The following DUSP29 variants were observed in gnomAD, a reference collection of about 807,000 sequenced individuals.
DUSP29 encodes the protein atypical dual-specific protein phosphatase.
Under a neutral mutation model 13.5 loss-of-function variants are expected in DUSP29, and 12 were observed. That is an observed-to-expected ratio of 0.89 (90% confidence interval 0.57 to 1.44). DUSP29 has a LOEUF of 1.44. Ranked by LOEUF, DUSP29 falls within the 40% of genes most tolerant of loss-of-function variation. The pLI, the probability that DUSP29 is intolerant of heterozygous loss-of-function variation, is 0.00. For missense variants in DUSP29, 308 were observed against 301.1 expected, an observed-to-expected ratio of 1.02 and a Z score of -0.17; for synonymous variants, 134 against 128.7, an observed-to-expected ratio of 1.04 and a Z score of -0.28.
intron 1 of DUSP29, among the ~76,000 whole-genome samples, chr10:75,064,636 A>G (rs1040594038): frequency 2.6e-5 from 4 of 152,174 alleles, no homozygotes; most frequent in African/African-American, 9.7e-5. Context: ...TGGGATTACA[A>G]GCATGAGCCA....
At chr10:75,056,105 C>T (rs1319122674) in intron 2 of DUSP29, among the ~76,000 whole-genome samples, 1 of 152,106 alleles carries the variant, frequency 6.6e-6, no homozygotes, top group East Asian at 1.9e-4. Context: ...TAGACAAGAT[C>T]TCACTATTTT....
chr10:75,059,193 C>G (rs557879708), intron 1 of DUSP29, among the ~76,000 whole-genome samples: 176 of 152,284 alleles, frequency 1.2e-3, no homozygotes, highest in Non-Finnish European at 2.1e-3. Flanking sequence ...GTTAACTTAC[C>G]AAGGGGATTG....
intron 2 of DUSP29, among the ~76,000 whole-genome samples, chr10:75,052,791 C>T (rs1226114114): frequency 6.6e-5 from 10 of 152,200 alleles, no homozygotes. Flanking sequence ...AATAACCTGC[C>T]CAAAGCCAAT....
At chr10:75,068,876 T>A (rs1019958244) in intron 1 of DUSP29, among the ~76,000 whole-genome samples, 5 of 152,166 alleles carry the variant, frequency 3.3e-5, no homozygotes, top group Admixed American at 1.3e-4. Context: ...GGATTTTTTT[T>A]AAAAAGAAAA....
At position 75,037,831 on chromosome 10, in the gene DUSP29, C is replaced by G; in HGVS notation, c.*5G>C. On this transcript the variant is annotated 3_prime_UTR_variant, in exon 4 of 4. Transcript: ENST00000338487. The stretch of plus-strand genomic sequence containing the variant: ...AAGTGCCTCTGCTGGCCCTGTGAGT[C>G]GGGCCTACAGCTCCCTGCCATCCTC... 6.3e-7 allele frequency: 1 copy of G among 1,596,762 alleles called. No individual in the cohort carries two copies. The highest frequency in any genetic ancestry group is 8.5e-7 in the Non-Finnish European group (1 of 1,171,462).
At chr10:75,071,563 G>T (rs1048531712) in intron 1 of DUSP29, among the ~76,000 whole-genome samples, 68 of 152,330 alleles carry the variant, frequency 4.5e-4, no homozygotes, top group African/African-American at 1.6e-3. Context: ...AATGTCCCCA[G>T]TAAGGGCTCC....
rs1398717062 is a variant in DUSP29 at position 75,052,346 on chromosome 10, C to T, written c.200+5969G>A. ...TTCTTGAGACGGAGTTTCGCTTTGT[C>T]ACCAGGCTGGAGTGCAGTGGCGCGA... On this transcript the variant is annotated intron_variant, in intron 2 of 3. Transcript: ENST00000338487. 3.7e-5 allele frequency among the ~76,000 whole-genome samples: 5 copies of T among 133,602 alleles called. No homozygotes were observed. In the Admixed American group the frequency reaches 4.1e-4, roughly 11 times the overall value. The allele number at this position is 133,602 out of a possible 152,430, so 87.6% of individuals were successfully genotyped here. A position where few individuals can be genotyped will look rare whatever the true frequency, so the allele number is the denominator to read the frequency against.
rs141914861 is a variant in DUSP29 at position 75,045,078 on chromosome 10, C to T, written c.201-1061G>A. 3.2e-3 allele frequency among the ~76,000 whole-genome samples: 487 copies of T among 152,308 alleles called. 9 individuals are homozygous for T. The highest frequency in any genetic ancestry group is 0.011 in the African/African-American group (467 of 41,550). The stretch of plus-strand genomic sequence containing the variant: ...TGATGGTAAAGAAATGAACAGGGGC[C>T]GAGCACAATGGCTCACGCCTATAAT... On this transcript the variant is annotated intron_variant, in intron 2 of 3. Coordinates refer to ENST00000338487, the MANE Select transcript of DUSP29 (RefSeq NM_001003892.3).
chr10:75,073,113 G>A (rs79495077), intron 1 of DUSP29, among the ~76,000 whole-genome samples: 10,709 of 151,998 alleles, frequency 0.07, 537 homozygotes, highest in South Asian at 0.28. Context: ...TGGGACACAG[G>A]GAGAATTCTC....
intron 2 of DUSP29, among the ~76,000 whole-genome samples, chr10:75,051,846 A>G (rs572851472): frequency 1.3e-5 from 2 of 152,398 alleles, no homozygotes; most frequent in Admixed American, 1.3e-4. Context: ...AGCCCAGCTT[A>G]TAACCTTTGC....
At chr10:75,063,373 T>C (rs1847130409) in intron 1 of DUSP29, among the ~76,000 whole-genome samples, 1 of 146,126 alleles carries the variant, frequency 6.8e-6, no homozygotes, top group Non-Finnish European at 1.5e-5. Flanking sequence ...AAGTGGACAG[T>C]TCTTTATATA....
chr10:75,051,016 G>T (rs11001261), intron 2 of DUSP29, among the ~76,000 whole-genome samples: 1,562 of 152,312 alleles, frequency 0.01, 23 homozygotes, highest in African/African-American at 0.036. Context: ...AACCTGGGAT[G>T]GAGAAAATGC....
chr10:75,043,237 G>A (rs1487035739), intron 3 of DUSP29, among the ~76,000 whole-genome samples: 1 of 152,214 alleles, frequency 6.6e-6, no homozygotes, highest in Non-Finnish European at 1.5e-5. Flanking sequence ...TGGTTGGTGG[G>A]CAGGAGAATT....
At chr10:75,061,737 G>T (rs1847092610) in intron 1 of DUSP29, among the ~76,000 whole-genome samples, 1 of 152,190 alleles carries the variant, frequency 6.6e-6, no homozygotes. Flanking sequence ...GAGGAGAGAG[G>T]ACCTTGCTTC....
rs537417375 is a variant in DUSP29 at position 75,043,990 on chromosome 10, C to T, written c.228G>A (p.Leu76=). Residue 76 remains leucine (L), a synonymous_variant, in exon 3 of 4, where the codon CTG becomes CTA. Transcript: ENST00000338487. ...GCACGTGCGTGAACCCCGCCTTCTG[C>T]AGCCTATAGCGGTCCAGCGCCGTCG... is the stretch of plus-strand genomic sequence containing the variant. ...DEATALDRYR[L]QKAGFTHVLN... 1.7e-5 allele frequency: 28 copies of T among 1,612,282 alleles called. No individual in the cohort carries two copies. The East Asian group carries it at 5.1e-4, about 30-fold the overall frequency.
At chr10:75,038,965 G>A (rs1846529572) in intron 3 of DUSP29, among the ~76,000 whole-genome samples, 2 of 152,192 alleles carry the variant, frequency 1.3e-5, no homozygotes, top group Non-Finnish European at 2.9e-5. Context: ...CAGGCCTATT[G>A]AGAAGAATCA....
At chr10:75,071,833 A>G (rs1847334450) in intron 1 of DUSP29, among the ~76,000 whole-genome samples, 1 of 152,232 alleles carries the variant, frequency 6.6e-6, no homozygotes, top group African/African-American at 2.4e-5. Context: ...CTGTGCCTAT[A>G]AAAACCTGAG....
Position 75,037,836 on chromosome 10 carries a change from C to T in DUSP29, c.663G>A (p.Ter221=). The T allele has an allele frequency of 6.2e-7, 1 of 1,601,848 alleles. No individual in the cohort carries two copies. The highest frequency in any genetic ancestry group is 8.5e-7 in the Non-Finnish European group (1 of 1,174,536). ...CCTCTGCTGGCCCTGTGAGTCGGGCCTACAGCTCCCTGCCATCCTCCTCCT... is the reference window on the plus strand; with the variant it reads ...CCTCTGCTGGCCCTGTGAGTCGGGCTTACAGCTCCCTGCCATCCTCCTCCT... The part of the protein sequence containing the change: ...DGEEEDGREL[*] Residue 221 remains the stop codon, a stop_retained_variant, in exon 4 of 4, where the codon TAG becomes TAA. Transcript: ENST00000338487.
chr10:75,047,925 C>CTATA (rs1846739651), intron 2 of DUSP29, among the ~76,000 whole-genome samples: 1 of 152,056 alleles, frequency 6.6e-6, no homozygotes. Flanking sequence ...TGGTACAATA[C>CTATA]TATATATATA....
Sources: allele counts gnomAD v4.1 joint callset (sites outside exome capture counted in the v4.1 genomes callset), GRCh38; gene constraint gnomAD v4.1.1; transcripts MANE v1.5; gene names NCBI Gene and HGNC (gene_info 2026-07-23, HGNC 2026-07-21).